Variants in C11orf65 observed in about 807,000 individuals in gnomAD.
C11orf65 encodes the protein chromosome 11 open reading frame 65.
In C11orf65, 38 loss-of-function variants were observed where a neutral mutation model predicts 35.3. The observed-to-expected ratio is 1.08, with a 90% CI of 0.83 to 1.41. The LOEUF (loss-of-function observed/expected upper bound fraction) is 1.41, where lower values mean the gene tolerates loss of function less well. Ranked by LOEUF, C11orf65 falls within the 40% of genes most tolerant of loss-of-function variation. The pLI, the probability that C11orf65 is intolerant of heterozygous loss-of-function variation, is 0.00. For missense variants in C11orf65, 370 were observed against 367.1 expected (o/e 1.01, Z -0.06); for synonymous variants, 105 against 114.4 (o/e 0.92, Z 0.53).
chr11:108,351,419 C>G (rs2089187085), intron 2 of C11orf65, among the ~76,000 whole-genome samples: 1 of 152,134 alleles, frequency 6.6e-6, no homozygotes, highest in South Asian at 2.1e-4. Flanking sequence ...AACAAACCAC[C>G]CCAAAATTTA....
intron 2 of C11orf65, among the ~76,000 whole-genome samples, chr11:108,440,894 G>A (rs2093142128): frequency 6.6e-6 from 1 of 152,188 alleles, no homozygotes; most frequent in African/African-American, 2.4e-5. Context: ...CCAGTCTACA[G>A]CTCCCAGCAT....
rs2086557212 is a variant in C11orf65, at chr11:108,333,966, A to G, written c.299+1254T>C. 1 of 1,604,002 alleles carries G rather than the reference A, an allele frequency of 6.2e-7. No homozygotes were observed. Among genetic ancestry groups the G allele is most frequent in the South Asian group, 1.1e-5 (1 of 90,700 alleles). On this transcript the variant is annotated intron_variant, in intron 3 of 3. Transcript: ENST00000524755. ...TGTTGTTGTCCCTACTATGGAAATT[A>G]AGGTAATTTGCAATTAACTCTTGAT...
chr11:108,368,900 A>G (rs1037340869), intron 2 of C11orf65: 11 of 199,920 alleles, frequency 5.5e-5, no homozygotes, highest in Non-Finnish European at 1.1e-4. Flanking sequence ...AACTTTGGAC[A>G]GCGTAAAGAC....
intron 1 of C11orf65, among the ~76,000 whole-genome samples, chr11:108,462,136 T>C (rs1158113231): frequency 1.3e-5 from 2 of 152,192 alleles, no homozygotes; most frequent in Non-Finnish European, 2.9e-5. Context: ...CTTGAACTCT[T>C]AGGCTCGATT....
At chr11:108,408,483 C>A (rs1162901328) in intron 3 of C11orf65, among the ~76,000 whole-genome samples, 1 of 151,598 alleles carries the variant, frequency 6.6e-6, no homozygotes, top group East Asian at 1.9e-4. Context: ...CAAAGCCAGC[C>A]TGGCCAACAT....
chr11:108,370,861 T>C (rs1405160481), intron 2 of C11orf65, among the ~76,000 whole-genome samples: 1 of 152,214 alleles, frequency 6.6e-6, no homozygotes, highest in African/African-American at 2.4e-5. Context: ...TGCTTTATTT[T>C]GCTTGCAAAC....
At chr11:108,465,557 G>C (rs2093524336) in intron 1 of C11orf65, among the ~76,000 whole-genome samples, 1 of 152,212 alleles carries the variant, frequency 6.6e-6, no homozygotes, top group Admixed American at 6.5e-5. Context: ...GAGTAAGCAG[G>C]GAAGGAAGTT....
chr11:108,460,644 C>T (rs72992175), intron 2 of C11orf65, among the ~76,000 whole-genome samples: 17,154 of 152,122 alleles, frequency 0.11, 1,325 homozygotes, highest in Non-Finnish European at 0.15. Context: ...TATAAAAGTG[C>T]CTGGCCCAGA....
In C11orf65 at chr11:108,343,677, T is replaced by C. The variant is rs75498514; in HGVS notation, c.227-8385A>G. On this transcript the variant is annotated intron_variant, in intron 2 of 3. Coordinates refer to the C11orf65 transcript ENST00000524755. ...CAAAACACTAAAATGCCAGGCACGA[T>C]GGCATGCACCTGTAATCCCAGCTAC... Among the ~76,000 whole-genome samples the C allele has an allele frequency of 2.6e-3, 395 of 152,290 alleles. 2 individuals carry two copies. Among genetic ancestry groups the C allele is most frequent in the African/African-American group, 9.2e-3 (382 of 41,560 alleles).
At chr11:108,451,826 G>C (rs2093351728) in intron 2 of C11orf65, among the ~76,000 whole-genome samples, 1 of 152,160 alleles carries the variant, frequency 6.6e-6, no homozygotes, top group Non-Finnish European at 1.5e-5. Context: ...CAATGGAACA[G>C]AACAAAGTTC....
At chr11:108,338,342 ACTT>A (rs755311054) in intron 2 of C11orf65, among the ~76,000 whole-genome samples, 20 of 152,058 alleles carry the variant, frequency 1.3e-4, no homozygotes, top group Non-Finnish European at 2.6e-4. Flanking sequence ...ACAGACCGAG[ACTT>A]CTTCTCAAAA....
intron 3 of C11orf65, 92 bp from the exon 4 acceptor site, chr11:108,407,241 C>A: frequency 1.1e-6 from 1 of 897,022 alleles, no homozygotes; most frequent in Non-Finnish European, 1.6e-6. Context: ...TAAATAATTG[C>A]TAAATATTGA....
intron 3 of C11orf65, among the ~76,000 whole-genome samples, chr11:108,426,832 C>T (rs2092909349): frequency 6.6e-6 from 1 of 152,162 alleles, no homozygotes; most frequent in Non-Finnish European, 1.5e-5. Flanking sequence ...ACAGAGGCCT[C>T]AGAAATACCA....
At chr11:108,446,446 C>G (rs12577556) in intron 2 of C11orf65, among the ~76,000 whole-genome samples, 64,017 of 150,078 alleles carry the variant, frequency 0.43, 13,705 homozygotes, top group Middle Eastern at 0.66. Flanking sequence ...AGCAGAAACT[C>G]TACAAGCCAG....
intron 6 of C11orf65, chr11:108,310,133 A>C (rs1157429035): frequency 6.2e-7 from 1 of 1,603,906 alleles, no homozygotes; most frequent in Non-Finnish European, 8.5e-7. Context: ...AAAAAAGTGA[A>C]TGACATTATA....
chr11:108,433,422 C>CA (rs1308623958), intron 2 of C11orf65, among the ~76,000 whole-genome samples: 7 of 151,042 alleles, frequency 4.6e-5, no homozygotes, highest in Non-Finnish European at 1.0e-4. Context: ...ACTAAAAATA[C>CA]AAAAAAAATT....
chr11:108,421,552 G>A (rs1455627978), intron 3 of C11orf65, among the ~76,000 whole-genome samples: 1 of 152,072 alleles, frequency 6.6e-6, no homozygotes, highest in Non-Finnish European at 1.5e-5. Flanking sequence ...CAACTACTTG[G>A]GAGGCTGAAG....
intron 3 of C11orf65, among the ~76,000 whole-genome samples, chr11:108,333,134 C>T (rs887689725): frequency 7.2e-5 from 11 of 152,116 alleles, no homozygotes; most frequent in Non-Finnish European, 1.5e-5. Context: ...TTCTGATAAT[C>T]TTCTGGCATA....
intron 2 of C11orf65, among the ~76,000 whole-genome samples, chr11:108,450,514 T>A (rs1485390981): frequency 1.3e-5 from 2 of 149,978 alleles, no homozygotes; most frequent in African/African-American, 5.0e-5. Context: ...CTTAGCAAGC[T>A]ATGGCAAGAA....
Sources: allele counts gnomAD v4.1 joint callset (sites outside exome capture counted in the v4.1 genomes callset), GRCh38; gene constraint gnomAD v4.1.1; transcripts MANE v1.5; gene names NCBI Gene and HGNC (gene_info 2026-07-23, HGNC 2026-07-21).